PIAS1: variants seen among roughly 807,000 people sequenced by gnomAD.
The protein encoded by PIAS1 is E3 SUMO-protein ligase PIAS1.
Under a neutral mutation model 71.3 loss-of-function variants are expected in PIAS1, and 6 were observed. That is an observed-to-expected ratio of 0.08 (90% CI 0.05 to 0.17). The LOEUF is 0.17. Among genes scored for constraint, PIAS1 ranks in the 10% least tolerant of loss-of-function variants. The pLI is 1.00. For missense variants in PIAS1, 555 were observed against 793.6 expected (o/e 0.70, Z 3.61); for synonymous variants, 303 against 292.9 (o/e 1.03, Z -0.35).
chr15:68,107,807 ACT>A (rs2092485307), intron 2 of PIAS1, among the ~76,000 whole-genome samples: 1 of 151,974 alleles, frequency 6.6e-6, no homozygotes, highest in African/African-American at 2.4e-5. Flanking sequence ...AAAAAAAAAA[ACT>A]CTAAATATAC....
At chr15:68,134,514 G>A (rs1293112138) in intron 2 of PIAS1, among the ~76,000 whole-genome samples, 5 of 47,344 alleles carry the variant, frequency 1.1e-4, no homozygotes, top group Non-Finnish European at 1.7e-4. Flanking sequence ...CTGCCCTCCC[G>A]GACGGGGCGG....
chr15:68,147,965 TA>T (rs1414541733), intron 6 of PIAS1, among the ~76,000 whole-genome samples: 21 of 152,264 alleles, frequency 1.4e-4, no homozygotes, highest in East Asian at 7.7e-4. Context: ...ATTTGAAATT[TA>T]TTGAATGCTT....
intron 1 of PIAS1, among the ~76,000 whole-genome samples, chr15:68,084,620 T>C (rs1395817109): frequency 6.6e-6 from 1 of 152,208 alleles, no homozygotes; most frequent in African/African-American, 2.4e-5. Context: ...CTGTAGATGC[T>C]ACCTCCCACC....
At chr15:68,123,867 T>C (rs1474719508) in intron 2 of PIAS1, among the ~76,000 whole-genome samples, 2 of 152,198 alleles carry the variant, frequency 1.3e-5, no homozygotes, top group Non-Finnish European at 2.9e-5. Flanking sequence ...TAAATGATAA[T>C]GTTGATCTGT....
chr15:68,141,092 A>G (rs1011140977), intron 2 of PIAS1, among the ~76,000 whole-genome samples: 13 of 152,104 alleles, frequency 8.5e-5, no homozygotes, highest in African/African-American at 2.9e-4. Context: ...AGTCCTACCT[A>G]CTTAGAAGGG....
At chr15:68,166,234 C>A (rs906223676) in intron 8 of PIAS1, among the ~76,000 whole-genome samples, 2 of 151,774 alleles carry the variant, frequency 1.3e-5, no homozygotes, top group African/African-American at 4.8e-5. Flanking sequence ...TATTTTGACT[C>A]CAGGCTTTTT....
At position 68,185,106 on chromosome 15, in the gene PIAS1, A is replaced by G. The variant is rs1002861416; in HGVS notation, c.1662+1439A>G. The G allele has an allele frequency of 3.3e-5, 5 of 152,270 alleles. No homozygotes were observed. The highest frequency in any genetic ancestry group is 9.7e-5 in the African/African-American group (4 of 41,424). 9.4% of individuals were successfully genotyped at this position (152,270 alleles called of 1,614,324 possible). A position where few individuals can be genotyped will look rare whatever the true frequency, so the allele number is the denominator to read the frequency against. On this transcript the variant is annotated intron_variant, in intron 13 of 13. Transcript: ENST00000249636. The surrounding 1 kb of genome is among the most constrained non-coding windows in gnomAD (Gnocchi z 4.4). ...ATTGGTGATCTTCATCCCAATATCA[A>G]AGTGTTGTGTCTCCTTCCATATACC... is the stretch of plus-strand genomic sequence containing the variant.
chr15:68,147,503 T>C (rs577622816), intron 6 of PIAS1, among the ~76,000 whole-genome samples: 1 of 152,246 alleles, frequency 6.6e-6, no homozygotes, highest in Admixed American at 6.5e-5. Flanking sequence ...TTTGTTGGCC[T>C]TTTATTTTTA....
Position 68,185,924 on chromosome 15 carries a change from C to T in PIAS1, c.1663-1618C>T, listed in dbSNP as rs147469635. Among the ~76,000 whole-genome samples the T allele has an allele frequency of 6.6e-6, 1 of 151,856 alleles. No individual in the cohort carries two copies. Among genetic ancestry groups the T allele is most frequent in the African/African-American group, 2.4e-5 (1 of 41,414 alleles). On this transcript the variant is annotated intron_variant, in intron 13 of 13. Coordinates refer to ENST00000249636, the MANE Select transcript of PIAS1 (RefSeq NM_016166.3). The surrounding 1 kb of genome is among the most constrained non-coding windows in gnomAD (Gnocchi z 4.4). ...TTGCAGTGAGCCGAGATTGCGTGCA[C>T]CACTCTACTCCAACCTGGGTGGCAG...
intron 2 of PIAS1, among the ~76,000 whole-genome samples, chr15:68,140,692 A>T (rs2092764260): frequency 6.6e-6 from 1 of 152,158 alleles, no homozygotes; most frequent in South Asian, 2.1e-4. Flanking sequence ...TTTGCGTGAC[A>T]TATTGCAGTT....
Position 68,187,860 on chromosome 15 carries a change from C to A in PIAS1, c.*25C>A. 6.2e-7 allele frequency: 1 copy of A among 1,600,388 alleles called. No individual in the cohort carries two copies. The highest frequency in any genetic ancestry group is 8.5e-7 in the Non-Finnish European group (1 of 1,171,102). On this transcript the variant is annotated 3_prime_UTR_variant, in exon 14 of 14. Coordinates refer to ENST00000249636, the MANE Select transcript of PIAS1 (RefSeq NM_016166.3). The surrounding 1 kb of genome is among the most constrained non-coding windows in gnomAD (Gnocchi z 5.3). ...ATTCCCAGGCCCTGCTGCTCCCATC[C>A]CCACCCCAGATCGAATGAACTTGGC...
chr15:68,076,495 G>C (rs2092166673), intron 1 of PIAS1, among the ~76,000 whole-genome samples: 1 of 152,034 alleles, frequency 6.6e-6, no homozygotes, highest in Non-Finnish European at 1.5e-5. Context: ...GTGAGACTCT[G>C]TCTCAAAAAA....
At chr15:68,151,632 C>G (rs1188321825) in intron 6 of PIAS1, among the ~76,000 whole-genome samples, 1 of 150,692 alleles carries the variant, frequency 6.6e-6, no homozygotes, top group African/African-American at 2.4e-5. Flanking sequence ...CCAGCCTAGC[C>G]AACATGGTGA....
chr15:68,185,832 C>T lies in PIAS1; in HGVS notation c.1663-1710C>T, dbSNP rs1380573345. Among the ~76,000 whole-genome samples the T allele has an allele frequency of 6.6e-6, 1 of 152,092 alleles. No homozygotes were observed. The highest frequency in any genetic ancestry group is 1.5e-5 in the Non-Finnish European group (1 of 68,008). ...CAAAAATTAGCTGGGCGTGGTGCTACACGCCTGTAATCCCAGCTACTCGGG... is the reference window on the plus strand; with the variant it reads ...CAAAAATTAGCTGGGCGTGGTGCTATACGCCTGTAATCCCAGCTACTCGGG... On this transcript the variant is annotated intron_variant, in intron 13 of 13. Coordinates refer to ENST00000249636, the MANE Select transcript of PIAS1 (RefSeq NM_016166.3). This position sits in a 1 kb window ranked among gnomAD's most constrained non-coding sequence, Gnocchi z 4.4.
chr15:68,065,690 T>C (rs933228122), intron 1 of PIAS1, among the ~76,000 whole-genome samples: 2 of 150,682 alleles, frequency 1.3e-5, no homozygotes, highest in African/African-American at 4.9e-5. Context: ...TAAGTAATGC[T>C]AAACGGTAGT....
chr15:68,142,097 T>A (rs943169581), intron 3 of PIAS1, 67 bp downstream of exon 3: 2 of 1,121,920 alleles, frequency 1.8e-6, no homozygotes, highest in Non-Finnish European at 2.6e-6. Flanking sequence ...TAAATGATTT[T>A]AAAAAACAGT....
intron 1 of PIAS1, among the ~76,000 whole-genome samples, chr15:68,055,498 G>A (rs1424226663): frequency 6.6e-6 from 1 of 152,066 alleles, no homozygotes; most frequent in African/African-American, 2.4e-5. Flanking sequence ...GTTGGGGGAG[G>A]GGGTGGTGGA....
chr15:68,113,350 AAATG>A (rs1376071667), intron 2 of PIAS1, among the ~76,000 whole-genome samples: 2 of 152,226 alleles, frequency 1.3e-5, no homozygotes, highest in African/African-American at 4.8e-5. Context: ...CAAAAAAAGA[AAATG>A]AAAGTTTTGC....
intron 2 of PIAS1, among the ~76,000 whole-genome samples, chr15:68,132,115 A>G (rs1216873458): frequency 6.6e-6 from 1 of 152,044 alleles, no homozygotes; most frequent in African/African-American, 2.4e-5. Flanking sequence ...GGTGCATCAG[A>G]ATTATTCCCA....
Sources: gnomAD v4.1 joint callset for allele counts (sites outside exome capture counted in the v4.1 genomes callset) on GRCh38, gnomAD v4.1.1 for gene constraint, Gnocchi (gnomAD v3.1) non-coding constraint, MANE v1.5 for transcripts, NCBI Gene and HGNC (gene_info 2026-07-23, HGNC 2026-07-21) for gene names.